HYCC1: variants seen among roughly 807,000 people sequenced by gnomAD.
HYCC1 encodes the protein hyccin.
chr7:22,968,427 C>G, the HYCC1 span, among the ~76,000 whole-genome samples: 1 of 152,204 alleles, frequency 6.6e-6, no homozygotes, highest in Non-Finnish European at 1.5e-5. Context: ...AACTTGAACA[C>G]ATTGGAAACA....
chr7:22,908,404 G>GAC, the HYCC1 span, among the ~76,000 whole-genome samples: 1 of 152,190 alleles, frequency 6.6e-6, no homozygotes, highest in East Asian at 1.9e-4. Flanking sequence ...CCAGCACACA[G>GAC]ACACGATTTG....
chr7:22,996,597 T>TAAAAAAAAAA, the HYCC1 span, among the ~76,000 whole-genome samples: 9 of 106,532 alleles, frequency 8.4e-5, no homozygotes, highest in African/African-American at 1.3e-4. Flanking sequence ...GTACAATTGT[T>TAAAAAAAAAA]AAAAAAAAAA....
the HYCC1 span, among the ~76,000 whole-genome samples, chr7:22,915,169 C>A: frequency 3.9e-5 from 6 of 151,954 alleles, no homozygotes; most frequent in Non-Finnish European, 8.8e-5. Context: ...CCACTCCCAG[C>A]ATTGCAAAAA....
At chr7:22,945,265 C>A in the HYCC1 span, 1 of 372,088 alleles carries the variant, frequency 2.7e-6, no homozygotes, top group Non-Finnish European at 5.0e-6. Context: ...ACCTTACAAC[C>A]TCACATGAGA....
the HYCC1 span, among the ~76,000 whole-genome samples, chr7:22,919,926 G>A: frequency 6.6e-6 from 1 of 152,186 alleles, no homozygotes; most frequent in Non-Finnish European, 1.5e-5. Flanking sequence ...TAAATATGTT[G>A]AGAAAACATT....
chr7:22,947,093 T>C, the HYCC1 span: 11 of 1,550,534 alleles, frequency 7.1e-6, no homozygotes, highest in Non-Finnish European at 9.6e-6. Context: ...CTGTGGCTGT[T>C]TCCTGCACAC....
chr7:22,970,457 A>G, the HYCC1 span, among the ~76,000 whole-genome samples: 1,005 of 152,334 alleles, frequency 6.6e-3, 11 homozygotes, highest in Admixed American at 0.011. Flanking sequence ...CAGTGAACAA[A>G]AAGTTCCTGA....
the HYCC1 span, among the ~76,000 whole-genome samples, chr7:22,900,204 T>C: frequency 1.3e-5 from 2 of 152,108 alleles, no homozygotes; most frequent in African/African-American, 2.4e-5. Flanking sequence ...TAAAGGGAAA[T>C]AACAACAACA....
chr7:22,946,576 C>T, the HYCC1 span, among the ~76,000 whole-genome samples: 1 of 151,866 alleles, frequency 6.6e-6, no homozygotes, highest in Admixed American at 6.6e-5. Context: ...ACTTTAAAGA[C>T]TTTTTTAGAA....
the HYCC1 span, chr7:23,014,059 T>G: frequency 3.8e-5 from 18 of 470,758 alleles, no homozygotes; most frequent in East Asian, 9.0e-4. Flanking sequence ...CGGGTCCCGG[T>G]GAGCCATCTT....
chr7:22,966,090 A>G, the HYCC1 span, among the ~76,000 whole-genome samples: 1 of 152,364 alleles, frequency 6.6e-6, no homozygotes, highest in South Asian at 2.1e-4. Context: ...TGACAGGGAA[A>G]AAAAACTGTC....
chr7:22,921,214 A>G, the HYCC1 span, among the ~76,000 whole-genome samples: 3 of 152,268 alleles, frequency 2.0e-5, no homozygotes, highest in African/African-American at 7.2e-5. Flanking sequence ...ATGTATGTAT[A>G]TATGTTTGCA....
the HYCC1 span, among the ~76,000 whole-genome samples, chr7:22,989,530 T>A: frequency 0.085 from 12,614 of 149,116 alleles, 646 homozygotes; most frequent in Middle Eastern, 0.16. Flanking sequence ...TTATTTATTT[T>A]TTTTTTTTGG....
At chr7:23,011,980 T>C in the HYCC1 span, among the ~76,000 whole-genome samples, 1 of 152,202 alleles carries the variant, frequency 6.6e-6, no homozygotes, top group Non-Finnish European at 1.5e-5. Context: ...CTACATAGTA[T>C]TATAATTGTT....
the HYCC1 span, among the ~76,000 whole-genome samples, chr7:22,921,593 T>C: frequency 6.6e-6 from 1 of 152,190 alleles, no homozygotes; most frequent in African/African-American, 2.4e-5. Context: ...TGGAATTAAG[T>C]TACTGTTGTC....
At chr7:23,009,376 C>A in the HYCC1 span, among the ~76,000 whole-genome samples, 1 of 152,024 alleles carries the variant, frequency 6.6e-6, no homozygotes, top group Non-Finnish European at 1.5e-5. Flanking sequence ...TTAGGCTGCA[C>A]CAAAATTAGG....
At chr7:22,979,689 TAACA>T in the HYCC1 span, among the ~76,000 whole-genome samples, 2 of 152,158 alleles carry the variant, frequency 1.3e-5, no homozygotes, top group African/African-American at 2.4e-5. Flanking sequence ...TGAGATAGTC[TAACA>T]AACATTGCAA....
chr7:22,901,331 AAACT>A, the HYCC1 span, among the ~76,000 whole-genome samples: 1 of 151,840 alleles, frequency 6.6e-6, no homozygotes, highest in African/African-American at 2.4e-5. Context: ...AAAAAAGAAG[AAACT>A]AACAGAAAAC....
the HYCC1 span, chr7:22,977,404 CTGTT>C: frequency 6.3e-7 from 1 of 1,586,270 alleles, no homozygotes; most frequent in African/African-American, 1.3e-5. Flanking sequence ...TGGTATGTCC[CTGTT>C]TGTCAACTAT....
Sources: gnomAD v4.1 joint callset for allele counts (sites outside exome capture counted in the v4.1 genomes callset) on GRCh38, gnomAD v4.1.1 for gene constraint, MANE v1.5 for transcripts, NCBI Gene and HGNC (gene_info 2026-07-23, HGNC 2026-07-21) for gene names.